MYC: variants seen among roughly 807,000 people sequenced by gnomAD.
MYC encodes MYC proto-oncogene, bHLH transcription factor.
MYC carries 1 observed loss-of-function variant against 30.5 expected under a neutral mutation model. That is an observed-to-expected ratio of 0.03 (90% confidence interval 0.01 to 0.16). The LOEUF (loss-of-function observed/expected upper bound fraction) is 0.16, where lower values mean the gene tolerates loss of function less well. Ranked by LOEUF, MYC falls within the 10% of genes least tolerant of loss-of-function variation. The pLI is 1.00. For missense variants in MYC, 508 were observed against 589.0 expected (o/e 0.86, Z 1.42); for synonymous variants, 267 against 250.7 (o/e 1.07, Z -0.62).
In MYC at chr8:127,740,502, C is replaced by G. The variant is rs766987302; in HGVS notation, c.909C>G (p.Ser303Arg). 6.2e-6 allele frequency: 10 copies of G among 1,613,968 alleles called. No individual in the cohort carries two copies. The Admixed American group carries it at 1.5e-4, about 24-fold the overall frequency. Residue 303 changes from serine to arginine, a missense_variant, in exon 3 of 3, where the codon AGC becomes AGG. By Grantham distance (110) the Ser-to-Arg change is moderately radical (BLOSUM62 -1). Coordinates refer to ENST00000621592, the MANE Select transcript of MYC (RefSeq NM_002467.6). ...GATCACCTTCTGCTGGAGGCCACAGCAAACCTCCTCACAGCCCACTGGTCC... is the reference window on the plus strand; with the variant it reads ...GATCACCTTCTGCTGGAGGCCACAGGAAACCTCCTCACAGCCCACTGGTCC...
intron 2 of MYC, among the ~76,000 whole-genome samples, chr8:127,739,505 A>C (rs1229761986): frequency 4.6e-5 from 7 of 152,176 alleles, no homozygotes. Flanking sequence ...TGAGTGCGGG[A>C]GCCAGTGAAC....
rs1176456458 is a variant in MYC, at chr8:127,742,698, C to A, written c.*1740C>A. On this transcript the variant is annotated 3_prime_UTR_variant, in exon 3 of 3. Transcript: ENST00000621592. Reference sequence around the variant, plus strand: ...ACTACAAACTCTCCTTGCTTCCATCCTTTTTTACATACTCATGACACATGC... The same window carrying A: ...ACTACAAACTCTCCTTGCTTCCATCATTTTTTACATACTCATGACACATGC... 6.6e-6 allele frequency among the ~76,000 whole-genome samples: 1 copy of A among 152,080 alleles called. No homozygotes were observed. The highest frequency in any genetic ancestry group is 2.4e-5 in the African/African-American group (1 of 41,402).
Position 127,736,444 on chromosome 8 carries a change from C to T in MYC, c.-150C>T. 2.5e-6 allele frequency: 2 copies of T among 785,690 alleles called. No homozygotes were observed. Among genetic ancestry groups the T allele is most frequent in the Non-Finnish European group, 2.1e-6 (1 of 487,634 alleles). 48.7% of individuals were successfully genotyped at this position (785,690 alleles called of 1,614,324 possible). On this transcript the variant is annotated 5_prime_UTR_variant, in exon 1 of 3. Coordinates refer to ENST00000621592, the MANE Select transcript of MYC (RefSeq NM_002467.6). The stretch of plus-strand genomic sequence containing the variant: ...ATCCACGAAACTTTGCCCATAGCAG[C>T]GGGCGGGCACTTTGCACTGGAACTT...
At position 127,738,237 on chromosome 8, in the gene MYC, C is replaced by G; in HGVS notation, c.31-11C>G. Reference sequence around the variant, plus strand: ...TCAAGACTGCCTCCCGCTTTGTGTGCCCCGCTCCAGCAGCCTCCCGCGACG... The same window carrying G: ...TCAAGACTGCCTCCCGCTTTGTGTGGCCCGCTCCAGCAGCCTCCCGCGACG... On this transcript the variant is annotated splice_polypyrimidine_tract_variant and intron_variant, in intron 1 of 2. Transcript: ENST00000621592. The surrounding 1 kb of genome is among the most constrained non-coding windows in gnomAD (Gnocchi z 7.6). 1 of 1,568,254 alleles carries G rather than the reference C, an allele frequency of 6.4e-7. No individual in the cohort carries two copies. Among genetic ancestry groups the G allele is most frequent in the Non-Finnish European group, 8.7e-7 (1 of 1,154,280 alleles).
At position 127,738,361 on chromosome 8, in the gene MYC, G is replaced by C. The variant is rs61752959; in HGVS notation, c.144G>C (p.Gln48His). The C allele has an allele frequency of 3.7e-6, 6 of 1,602,314 alleles. No individual in the cohort carries two copies. In the South Asian group the frequency reaches 5.6e-5, roughly 15 times the overall value. ...GCGACGAGGAGGAGAACTTCTACCA[G>C]CAGCAGCAGCAGAGCGAGCTGCAGC... is the stretch of plus-strand genomic sequence containing the variant. Residue 48 changes from glutamine to histidine, a missense_variant, in exon 2 of 3, where the codon CAG (glutamine) becomes CAC (histidine). By Grantham distance (24) the Gln-to-His change is conservative. This residue lies in a region of MYC where 70 missense variants were observed against 84.5 expected (regional missense o/e 0.83). Coordinates refer to ENST00000621592, the MANE Select transcript of MYC (RefSeq NM_002467.6). This position sits in a 1 kb window ranked among gnomAD's most constrained non-coding sequence, Gnocchi z 7.6.
chr8:127,735,985 G>T, upstream of MYC: 1 of 147,498 alleles, frequency 6.8e-6, no homozygotes, highest in South Asian at 2.3e-4. Flanking sequence ...CCAAAGCAGA[G>T]GGCGTGGGGG....
rs1286288018 is a variant in MYC at position 127,736,356 on chromosome 8, G to T, written c.-238G>T. 5.0e-6 allele frequency: 3 copies of T among 602,190 alleles called. No individual in the cohort carries two copies. The African/African-American group carries it at 5.6e-5, about 11-fold the overall frequency. 37.3% of individuals were successfully genotyped at this position (602,190 alleles called of 1,614,324 possible). A position where few individuals can be genotyped will look rare whatever the true frequency, so the allele number is the denominator to read the frequency against. On this transcript the variant is annotated 5_prime_UTR_variant, in exon 1 of 3. Coordinates refer to ENST00000621592, the MANE Select transcript of MYC (RefSeq NM_002467.6). ...GAAGGGAGATCCGGAGCGAATAGGG[G>T]GCTTCGCCTCTGGCCCAGCCCTCCC...
rs373030192 is a variant in MYC at position 127,738,814 on chromosome 8, C to A, written c.597C>A (p.Ala199=). 25 of 1,609,290 alleles carry A rather than the reference C, an allele frequency of 1.6e-5. No individual in the cohort carries two copies. Among genetic ancestry groups the A allele is most frequent in the African/African-American group, 6.7e-5 (5 of 74,922 alleles). ...TGTACCTGCAGGATCTGAGCGCCGC[C>A]GCCTCAGAGTGCATCGACCCCTCGG... Residue 199 remains alanine, a synonymous_variant, in exon 2 of 3, where the codon GCC becomes GCA. Transcript: ENST00000621592. This position sits in a 1 kb window ranked among gnomAD's most constrained non-coding sequence, Gnocchi z 7.6.
Position 127,739,029 on chromosome 8 carries a change from GC to G in MYC, c.802+13del. On this transcript the variant is annotated intron_variant, in intron 2 of 2. Transcript: ENST00000621592. ...ACCAGCAGCGACTCTGGTAAGCGAA[GC>G]CCGCCCAGGCCTGTCAAAAGTGGGC... The G allele has an allele frequency of 6.7e-7, 1 of 1,482,710 alleles. No homozygotes were observed. The highest frequency in any genetic ancestry group is 1.4e-5 in the South Asian group (1 of 73,016). 91.8% of individuals were successfully genotyped at this position (1,482,710 alleles called of 1,614,324 possible).
chr8:127,740,482 C>G lies in MYC; in HGVS notation c.889C>G (p.Pro297Ala). The G allele has an allele frequency of 6.2e-7, 1 of 1,614,026 alleles. No individual in the cohort carries two copies. The highest frequency in any genetic ancestry group is 8.5e-7 in the Non-Finnish European group (1 of 1,180,020). The change falls in exon 3 of 3, where the codon CCT (proline) becomes GCT (alanine). Residue 297 changes from proline to alanine, a missense_variant. Physicochemically the swap from Pro to Ala is conservative, Grantham distance 27. Around this residue, in one of 5 missense-constraint regions of MYC, gnomAD observed 364 missense variants for 381.1 expected, o/e 0.96. Coordinates refer to ENST00000621592, the MANE Select transcript of MYC (RefSeq NM_002467.6). ...TGGCAAAAGGTCAGAGTCTGGATCA[C>G]CTTCTGCTGGAGGCCACAGCAAACC...
upstream of MYC, chr8:127,735,988 C>T: frequency 1.8e-5 from 2 of 113,014 alleles, no homozygotes; most frequent in South Asian, 3.1e-4. Flanking sequence ...AAGCAGAGGG[C>T]GTGGGGGAAA....
At position 127,741,853 on chromosome 8, in the gene MYC, A is replaced by G. The variant is rs1242791369; in HGVS notation, c.*895A>G. 6.6e-6 allele frequency among the ~76,000 whole-genome samples: 1 copy of G among 152,164 alleles called. No homozygotes were observed. Among genetic ancestry groups the G allele is most frequent in the Non-Finnish European group, 1.5e-5 (1 of 68,028 alleles). On this transcript the variant is annotated 3_prime_UTR_variant, in exon 3 of 3. Transcript: ENST00000621592. ...CCCAGTTGATGGGGACACGGTGGGA[A>G]CCAGCTTCTGCTGCCTTCACAACCA... is the stretch of plus-strand genomic sequence containing the variant.
rs1391560030 is a variant in MYC at position 127,742,079 on chromosome 8, G to C, written c.*1121G>C. On this transcript the variant is annotated 3_prime_UTR_variant, in exon 3 of 3. Transcript: ENST00000621592. ...ACTTAACCCTTCGCTATCATGCCTT[G>C]GTTCATCTGGGTCTAATGTGCTGAG... 6.6e-6 allele frequency among the ~76,000 whole-genome samples: 1 copy of C among 152,190 alleles called. No individual in the cohort carries two copies. The highest frequency in any genetic ancestry group is 1.5e-5 in the Non-Finnish European group (1 of 68,038).
upstream of MYC, chr8:127,735,758 G>A (rs1006746017): frequency 2.5e-6 from 1 of 399,190 alleles, no homozygotes. Context: ...ACAGGACAAG[G>A]ATGCGGTTTG....
At chr8:127,735,954 A>G, upstream of MYC, 3 of 32,410 alleles carry the variant, frequency 9.3e-5, no homozygotes, top group Non-Finnish European at 1.1e-4. Flanking sequence ...CACCCTCCCC[A>G]TAAGCGCCCC....
In MYC at chr8:127,741,085, C is replaced by T. The variant is rs185650723; in HGVS notation, c.*127C>T. On this transcript the variant is annotated 3_prime_UTR_variant, in exon 3 of 3. Transcript: ENST00000621592. Reference sequence around the variant, plus strand: ...TGAGTCTTGAGACTGAAAGATTTAGCCATAATGTAAACTGCCTCAAATTGG... The same window carrying T: ...TGAGTCTTGAGACTGAAAGATTTAGTCATAATGTAAACTGCCTCAAATTGG... 13 of 880,880 alleles carry T rather than the reference C, an allele frequency of 1.5e-5. No homozygotes were observed. In the East Asian group the frequency reaches 3.7e-4, roughly 25 times the overall value. The allele number at this position is 880,880 out of a possible 1,614,324, so 54.6% of individuals were successfully genotyped here. A position where few individuals can be genotyped will look rare whatever the true frequency, so the allele number is the denominator to read the frequency against.
Position 127,740,390 on chromosome 8 carries a change from TTA to T in MYC, c.803-5_803-4del, listed in dbSNP as rs773473361. On this transcript the variant is annotated splice_polypyrimidine_tract_variant and splice_region_variant and intron_variant, in intron 2 of 2. Transcript: ENST00000621592. ...AAAGGAGTGATTTCTATTTCCTTTC[TTA>T]AAGAGGAGGAACAAGAAGATGAGGA... is the stretch of plus-strand genomic sequence containing the variant. 1.9e-6 allele frequency: 3 copies of T among 1,611,260 alleles called. No homozygotes were observed. The highest frequency in any genetic ancestry group is 1.6e-4 in the Middle Eastern group (1 of 6,072).
chr8:127,735,529 A>G (rs1813566308), upstream of MYC: 1 of 398,984 alleles, frequency 2.5e-6, no homozygotes, highest in African/African-American at 2.1e-5. Context: ...TTATGCCTCT[A>G]TCATTCCTCC....
chr8:127,740,145 G>C (rs1813683152), intron 2 of MYC, among the ~76,000 whole-genome samples: 1 of 151,938 alleles, frequency 6.6e-6, no homozygotes, highest in Admixed American at 6.6e-5. Flanking sequence ...TTTTAGTAGA[G>C]ATGGGGTTTC....
Sources: gnomAD v4.1 joint callset for allele counts (sites outside exome capture counted in the v4.1 genomes callset) on GRCh38, gnomAD v4.1.1 for gene constraint, gnomAD v4.1.1 regional missense constraint, Gnocchi (gnomAD v3.1) non-coding constraint, MANE v1.5 for transcripts, NCBI Gene and HGNC (gene_info 2026-07-23, HGNC 2026-07-21) for gene names.